The following TMEM161B variants were observed in gnomAD, a reference collection of about 807,000 sequenced individuals.
TMEM161B encodes the protein transmembrane protein 161B.
Under a neutral mutation model 61.8 loss-of-function variants are expected in TMEM161B, and 34 were observed. That is an observed-to-expected ratio of 0.55 (90% CI 0.42 to 0.73). The LOEUF (loss-of-function observed/expected upper bound fraction) is 0.73. TMEM161B is among the 30% of genes least tolerant of loss of function. TMEM161B has a pLI of 0.00. For synonymous variants in TMEM161B, 167 were observed against 192.8 expected (o/e 0.87, Z 1.11); for missense variants, 456 against 558.5 (o/e 0.82, Z 1.85).
chr5:88,228,796 C>T (rs1750495099), intron 2 of TMEM161B, among the ~76,000 whole-genome samples: 1 of 152,050 alleles, frequency 6.6e-6, no homozygotes, highest in Admixed American at 6.6e-5. Context: ...TGTATTAATA[C>T]ATATTAAGAT....
At chr5:88,205,083 CAT>C in intron 8 of TMEM161B, among the ~76,000 whole-genome samples, 1 of 152,126 alleles carries the variant, frequency 6.6e-6, no homozygotes. Flanking sequence ...CTTTGATCTG[CAT>C]ATGATTTGAA....
At chr5:88,225,036 C>G (rs1034081621) in intron 4 of TMEM161B, among the ~76,000 whole-genome samples, 4 of 139,182 alleles carry the variant, frequency 2.9e-5, no homozygotes, top group African/African-American at 1.1e-4. Context: ...GGTGCGATCT[C>G]GGCTCACTGC....
At chr5:88,228,228 T>G (rs1242132855) in intron 3 of TMEM161B, among the ~76,000 whole-genome samples, 1 of 152,164 alleles carries the variant, frequency 6.6e-6, no homozygotes, top group Non-Finnish European at 1.5e-5. Flanking sequence ...ATGGCTATAT[T>G]GTTTTCATGA....
intron 9 of TMEM161B, chr5:88,201,949 A>T (rs1744484963): frequency 3.8e-6 from 1 of 262,742 alleles, no homozygotes; most frequent in East Asian, 8.8e-5. Flanking sequence ...GACACAATAC[A>T]AAAGGTACAC....
At chr5:88,252,732 G>A (rs1393669131) in intron 1 of TMEM161B, among the ~76,000 whole-genome samples, 1 of 152,166 alleles carries the variant, frequency 6.6e-6, no homozygotes, top group Admixed American at 6.6e-5. Context: ...AAAGCACCTT[G>A]GGTGCATCCT....
intron 2 of TMEM161B, among the ~76,000 whole-genome samples, chr5:88,238,634 A>ACTG (rs1324989526): frequency 6.6e-6 from 1 of 151,960 alleles, no homozygotes; most frequent in Non-Finnish European, 1.5e-5. Flanking sequence ...CTTCAACCCA[A>ACTG]CTGCATCATA....
At chr5:88,230,679 C>A (rs1010757469) in intron 2 of TMEM161B, among the ~76,000 whole-genome samples, 4 of 152,164 alleles carry the variant, frequency 2.6e-5, no homozygotes, top group African/African-American at 9.7e-5. Context: ...CTTGTGAACA[C>A]CTATGCCCCT....
At chr5:88,190,418 C>G (rs1355283641), downstream of TMEM161B, among the ~76,000 whole-genome samples, 1 of 152,186 alleles carries the variant, frequency 6.6e-6, no homozygotes, top group African/African-American at 2.4e-5. Flanking sequence ...AGCTGTGGCA[C>G]AGCTACTCTC....
At chr5:88,209,142 T>C (rs1245090706) in intron 5 of TMEM161B, among the ~76,000 whole-genome samples, 2 of 152,200 alleles carry the variant, frequency 1.3e-5, no homozygotes, top group Non-Finnish European at 2.9e-5. Context: ...GCTCAACCTG[T>C]ATCAAACAAT....
chr5:88,198,910 A>AT, intron 10 of TMEM161B, 66 bp downstream of exon 10: 2 of 1,277,846 alleles, frequency 1.6e-6, no homozygotes, highest in Non-Finnish European at 2.2e-6. Context: ...AAAGGAAACC[A>AT]ATTTTTTTTT....
At position 88,238,957 on chromosome 5, in the gene TMEM161B, C is replaced by A. The variant is rs1368882046; in HGVS notation, c.107+1856G>T. ...CTAGACTTTCTCGATATCCTTAGAA[C>A]CTGATATGGCATTACAGGCAGCATT... On this transcript the variant is annotated intron_variant, in intron 2 of 11. Coordinates refer to ENST00000296595, the MANE Select transcript of TMEM161B (RefSeq NM_153354.5). Among the ~76,000 whole-genome samples the A allele has an allele frequency of 2.0e-5, 3 of 151,896 alleles. 1 individual carries two copies. Among genetic ancestry groups the A allele is most frequent in the South Asian group, 4.1e-4 (2 of 4,830 alleles).
At chr5:88,193,460 A>G (rs914091420), downstream of TMEM161B, among the ~76,000 whole-genome samples, 1 of 152,172 alleles carries the variant, frequency 6.6e-6, no homozygotes, top group Non-Finnish European at 1.5e-5. Flanking sequence ...TTTGAAGAAC[A>G]TAACTCTTGG....
intron 5 of TMEM161B, among the ~76,000 whole-genome samples, chr5:88,216,639 G>A (rs745826236): frequency 5.3e-5 from 8 of 152,158 alleles, no homozygotes; most frequent in Non-Finnish European, 1.0e-4. Flanking sequence ...CAATCCAAAA[G>A]AGGCAACGGA....
intron 1 of TMEM161B, among the ~76,000 whole-genome samples, chr5:88,242,700 G>A (rs1055851688): frequency 6.6e-6 from 1 of 151,594 alleles, no homozygotes; most frequent in Non-Finnish European, 1.5e-5. Flanking sequence ...TAGAAATTGT[G>A]CCTGGTACAG....
chr5:88,188,925 C>T (rs934401811), downstream of TMEM161B, among the ~76,000 whole-genome samples: 1 of 152,176 alleles, frequency 6.6e-6, no homozygotes, highest in Non-Finnish European at 1.5e-5. Context: ...ACTTTTACTT[C>T]CTCCTCGTCT....
At chr5:88,247,567 A>C (rs1182509428) in intron 1 of TMEM161B, among the ~76,000 whole-genome samples, 1 of 152,110 alleles carries the variant, frequency 6.6e-6, no homozygotes. Context: ...TTGACTGTTT[A>C]CATGTTTTAG....
At chr5:88,231,367 T>C (rs1296902861) in intron 2 of TMEM161B, among the ~76,000 whole-genome samples, 1 of 152,156 alleles carries the variant, frequency 6.6e-6, no homozygotes, top group Non-Finnish European at 1.5e-5. Flanking sequence ...GAACTTCGCC[T>C]TTAACCTGTG....
intron 2 of TMEM161B, among the ~76,000 whole-genome samples, chr5:88,233,525 C>T (rs1751355867): frequency 6.6e-6 from 1 of 152,040 alleles, no homozygotes; most frequent in Non-Finnish European, 1.5e-5. Flanking sequence ...GCTAATAGGT[C>T]ATAGTATGGA....
intron 3 of TMEM161B, among the ~76,000 whole-genome samples, chr5:88,227,244 A>T (rs1327133737): frequency 2.6e-5 from 4 of 152,182 alleles, no homozygotes; most frequent in Non-Finnish European, 5.9e-5. Flanking sequence ...GTGGAAGGGG[A>T]ATAGTTAAAA....
Sources: allele counts gnomAD v4.1 joint callset (sites outside exome capture counted in the v4.1 genomes callset), GRCh38; gene constraint gnomAD v4.1.1; transcripts MANE v1.5; gene names NCBI Gene and HGNC (gene_info 2026-07-23, HGNC 2026-07-21).